Variants in STIM1 observed in about 807,000 individuals in gnomAD.
STIM1 encodes stromal interaction molecule 1.
STIM1 carries 25 observed loss-of-function variants against 74.7 expected under a neutral mutation model. The observed-to-expected ratio is 0.33, with a 90% CI of 0.24 to 0.47. The LOEUF (loss-of-function observed/expected upper bound fraction) is 0.47. STIM1 is among the 20% of genes least tolerant of loss of function. The pLI, the probability that STIM1 is intolerant of heterozygous loss-of-function variation, is 1.00. For synonymous variants in STIM1, 328 were observed against 348.8 expected, an observed-to-expected ratio of 0.94 and a Z score of 0.66; for missense variants, 728 against 920.8, an observed-to-expected ratio of 0.79 and a Z score of 2.71.
At chr11:3,976,302 G>A (rs1276120870) in intron 2 of STIM1, among the ~76,000 whole-genome samples, 1 of 152,180 alleles carries the variant, frequency 6.6e-6, no homozygotes. Flanking sequence ...CATACTATGT[G>A]ATTCTATTTA....
At chr11:3,925,267 C>T (rs529744747) in intron 1 of STIM1, among the ~76,000 whole-genome samples, 17 of 152,248 alleles carry the variant, frequency 1.1e-4, no homozygotes, top group Non-Finnish European at 2.2e-4. Context: ...TGGTGGCGCA[C>T]GCCTGTAGTC....
intron 1 of STIM1, among the ~76,000 whole-genome samples, chr11:3,911,908 G>A (rs1028503524): frequency 2.0e-5 from 3 of 152,080 alleles, no homozygotes; most frequent in African/African-American, 7.2e-5. Flanking sequence ...CTGCTTTGCT[G>A]TTGTTGTTGT....
intron 1 of STIM1, among the ~76,000 whole-genome samples, chr11:3,894,748 CT>C (rs1240613565): frequency 1.3e-5 from 2 of 151,352 alleles, no homozygotes; most frequent in Non-Finnish European, 2.9e-5. Context: ...TTTTTCTTTT[CT>C]TTTTTTTGAG....
At chr11:3,959,996 G>T (rs538111722) in intron 1 of STIM1, among the ~76,000 whole-genome samples, 1 of 152,306 alleles carries the variant, frequency 6.6e-6, no homozygotes, top group South Asian at 2.1e-4. Flanking sequence ...CAAAGAAGTA[G>T]AAATCATTAA....
intron 1 of STIM1, among the ~76,000 whole-genome samples, chr11:3,902,443 T>G (rs1273677873): frequency 1.3e-5 from 2 of 151,914 alleles, no homozygotes; most frequent in Non-Finnish European, 2.9e-5. Context: ...GGGTGCGGGG[T>G]GGGGATGATT....
At chr11:3,939,201 TAGAC>T (rs1460539016) in intron 1 of STIM1, among the ~76,000 whole-genome samples, 1 of 152,196 alleles carries the variant, frequency 6.6e-6, no homozygotes, top group Non-Finnish European at 1.5e-5. Flanking sequence ...GATATACACT[TAGAC>T]AGTACCATCA....
chr11:4,025,661 C>T (rs962376032), intron 3 of STIM1, among the ~76,000 whole-genome samples: 4 of 152,120 alleles, frequency 2.6e-5, no homozygotes, highest in African/African-American at 7.2e-5. Context: ...CTGGCCTTTT[C>T]TGAAAGCTCG....
chr11:3,858,031 T>G (rs2090452188), intron 1 of STIM1, among the ~76,000 whole-genome samples: 1 of 152,238 alleles, frequency 6.6e-6, no homozygotes, highest in East Asian at 1.9e-4. Context: ...AAATGTAGAT[T>G]GAACTGTGAA....
intron 1 of STIM1, among the ~76,000 whole-genome samples, chr11:3,915,888 T>C (rs1181214281): frequency 2.6e-5 from 4 of 152,042 alleles, no homozygotes; most frequent in African/African-American, 9.7e-5. Context: ...AAACTCTGTC[T>C]CTACTAAAAA....
intron 1 of STIM1, among the ~76,000 whole-genome samples, chr11:3,886,993 C>T (rs1365510259): frequency 2.0e-5 from 3 of 151,318 alleles, no homozygotes; most frequent in African/African-American, 7.3e-5. Context: ...CAGAGCAAGA[C>T]TCTGTCTCAA....
intron 3 of STIM1, among the ~76,000 whole-genome samples, chr11:4,052,452 A>C (rs2094250896): frequency 6.6e-6 from 1 of 152,220 alleles, no homozygotes; most frequent in South Asian, 2.1e-4. Context: ...TAACCATCTG[A>C]TCTTTGACAA....
At chr11:3,856,489 T>C in intron 1 of STIM1, 80 bp downstream of exon 1, 1 of 1,536,710 alleles carries the variant, frequency 6.5e-7, no homozygotes, top group African/African-American at 1.4e-5. Flanking sequence ...AGTTGAAATC[T>C]AGGTTTGTAC....
intron 3 of STIM1, among the ~76,000 whole-genome samples, chr11:4,031,877 G>A (rs567220352): frequency 1.3e-5 from 2 of 152,162 alleles, no homozygotes; most frequent in Admixed American, 1.3e-4. Context: ...TAATTTTGAC[G>A]AAGTCCAGTT....
At chr11:3,998,717 A>T (rs1038569919) in intron 2 of STIM1, among the ~76,000 whole-genome samples, 2 of 152,186 alleles carry the variant, frequency 1.3e-5, no homozygotes, top group Non-Finnish European at 2.9e-5. Context: ...AACAAATAGG[A>T]TAGGGCAATG....
At position 3,931,270 on chromosome 11, in the gene STIM1, G is replaced by A. The variant is rs117225369; in HGVS notation, c.140-36282G>A. Reference sequence around the variant, plus strand: ...GAGTATGCAAAGGCTTACAGGCCAGGCAATAAGGATAAAGCCATGTCCATG... The same window carrying A: ...GAGTATGCAAAGGCTTACAGGCCAGACAATAAGGATAAAGCCATGTCCATG... On this transcript the variant is annotated intron_variant, in intron 1 of 12. Transcript: ENST00000526596. 1.8e-3 allele frequency among the ~76,000 whole-genome samples: 276 copies of A among 152,280 alleles called. 1 individual carries two copies. The highest frequency in any genetic ancestry group is 3.3e-3 in the Non-Finnish European group (223 of 68,020).
rs1198619841 is a variant in STIM1 at position 3,941,667 on chromosome 11, T to TAGAGAGAGAG, written c.140-25884_140-25883insGAGAGAGAGA. Reference sequence around the variant, plus strand: ...GTGTGTGTATACATATATATATATATATATATAGAGAGAGAGAGAGAGAGA... The same window carrying TAGAGAGAGAG: ...GTGTGTGTATACATATATATATATATAGAGAGAGAGATATATAGAGAGAGAGAGAGAGAGA... On this transcript the variant is annotated intron_variant, in intron 1 of 12. Coordinates refer to ENST00000526596, the MANE Select transcript of STIM1 (RefSeq NM_001382567.1). Among the ~76,000 whole-genome samples, 23 of 56,124 alleles carry TAGAGAGAGAG rather than the reference T, an allele frequency of 4.1e-4. No individual in the cohort carries two copies. In the East Asian group the frequency reaches 7.2e-3, roughly 18 times the overall value. 36.8% of individuals were successfully genotyped at this position (56,124 alleles called of 152,430 possible).
At position 4,020,026 on chromosome 11, in the gene STIM1, A is replaced by G. The variant is rs189842743; in HGVS notation, c.271-3847A>G. On this transcript the variant is annotated intron_variant, in intron 2 of 12. Transcript: ENST00000526596. ...AGATCAGCTTTTTAAGATTCCATATATGAGTGAGAACATGTGGTATTTATT... is the reference window on the plus strand; with the variant it reads ...AGATCAGCTTTTTAAGATTCCATATGTGAGTGAGAACATGTGGTATTTATT... 1.2e-3 allele frequency among the ~76,000 whole-genome samples: 183 copies of G among 152,280 alleles called. 2 individuals carry two copies. Among genetic ancestry groups the G allele is most frequent in the African/African-American group, 4.3e-3 (178 of 41,546 alleles).
At chr11:3,971,133 T>A (rs1427166398) in intron 2 of STIM1, among the ~76,000 whole-genome samples, 1 of 151,524 alleles carries the variant, frequency 6.6e-6, no homozygotes. Flanking sequence ...CCCAGCACTT[T>A]GGGAGGCCAA....
chr11:4,076,788 A>G (rs2094440187), intron 7 of STIM1, among the ~76,000 whole-genome samples: 1 of 147,272 alleles, frequency 6.8e-6, no homozygotes, highest in African/African-American at 2.5e-5. Flanking sequence ...CTTTTTTGGG[A>G]CATGGTTATC....
Sources: gnomAD v4.1 joint callset for allele counts (sites outside exome capture counted in the v4.1 genomes callset) on GRCh38, gnomAD v4.1.1 for gene constraint, MANE v1.5 for transcripts, NCBI Gene and HGNC (gene_info 2026-07-23, HGNC 2026-07-21) for gene names.